The following ZHX2 variants were observed in gnomAD, a reference collection of about 807,000 sequenced individuals.
The protein encoded by ZHX2 is zinc fingers and homeoboxes 2, also known as zinc fingers and homeoboxes protein 2.
ZHX2 carries 6 observed loss-of-function variants against 21.9 expected under a neutral mutation model. That is an observed-to-expected ratio of 0.27 (90% confidence interval 0.15 to 0.54). The LOEUF (loss-of-function observed/expected upper bound fraction) is 0.54. Ranked by LOEUF, ZHX2 falls within the 20% of genes least tolerant of loss-of-function variation. The probability of loss-of-function intolerance (pLI) is 0.95; values close to 1 mark genes in which losing one functional copy is unlikely to be tolerated. For missense variants in ZHX2, 908 were observed against 1,090.7 expected (o/e 0.83, Z 2.36); for synonymous variants, 434 against 437.1 (o/e 0.99, Z 0.09).
chr8:122,873,696 T>C (rs1326542111), intron 2 of ZHX2, among the ~76,000 whole-genome samples: 4 of 152,212 alleles, frequency 2.6e-5, no homozygotes, highest in Admixed American at 1.3e-4. Context: ...TATTATCTTA[T>C]GGTACTAGAG....
chr8:122,968,094 T>C (rs1449247570), intron 3 of ZHX2, among the ~76,000 whole-genome samples: 1 of 152,058 alleles, frequency 6.6e-6, no homozygotes, highest in Non-Finnish European at 1.5e-5. Context: ...GTGGTGGAGC[T>C]GGAATTCAAA....
intron 1 of ZHX2, chr8:122,809,108 G>C (rs1297068537): frequency 2.0e-5 from 3 of 152,280 alleles, no homozygotes; most frequent in African/African-American, 7.2e-5. Flanking sequence ...GGGCCCGGGA[G>C]ACTCAGCCCC....
chr8:122,937,332 G>T (rs919184375), intron 2 of ZHX2, among the ~76,000 whole-genome samples: 2 of 152,184 alleles, frequency 1.3e-5, no homozygotes, highest in African/African-American at 4.8e-5. Context: ...AGTCGATGCT[G>T]GTGCATTTGT....
chr8:122,801,538 C>T (rs913902607), intron 1 of ZHX2, among the ~76,000 whole-genome samples: 1 of 150,400 alleles, frequency 6.6e-6, no homozygotes, highest in African/African-American at 2.5e-5. Context: ...CTTGAGTGCC[C>T]AGCAGTTTGA....
Position 122,875,176 on chromosome 8 carries a change from T to C in ZHX2, c.-220+11637T>C, listed in dbSNP as rs1419737619. On this transcript the variant is annotated intron_variant, in intron 2 of 3. Transcript: ENST00000314393. ...ATATATATATATATATATATATATA[T>C]ATATATATATATATATATCCTTTTA... Among the ~76,000 whole-genome samples, 7 of 54,800 alleles carry C rather than the reference T, an allele frequency of 1.3e-4. 1 individual carries two copies. The highest frequency in any genetic ancestry group is 3.9e-4 in the African/African-American group (7 of 18,018). 36.0% of individuals were successfully genotyped at this position (54,800 alleles called of 152,430 possible).
At chr8:122,919,146 A>G in intron 2 of ZHX2, among the ~76,000 whole-genome samples, 1 of 152,124 alleles carries the variant, frequency 6.6e-6, no homozygotes, top group East Asian at 1.9e-4. Context: ...CCATCAGCAC[A>G]GCACTTGCTA....
intron 1 of ZHX2, among the ~76,000 whole-genome samples, chr8:122,831,699 C>A (rs1818381323): frequency 6.6e-6 from 1 of 152,152 alleles, no homozygotes; most frequent in South Asian, 2.1e-4. Context: ...ATGATGGCAA[C>A]TTTTTGCGGG....
At chr8:122,827,518 T>C (rs1818288016) in intron 1 of ZHX2, among the ~76,000 whole-genome samples, 1 of 152,222 alleles carries the variant, frequency 6.6e-6, no homozygotes, top group African/African-American at 2.4e-5. Context: ...TTGGTACTAA[T>C]AGAGCCCTGT....
intron 2 of ZHX2, among the ~76,000 whole-genome samples, chr8:122,947,968 A>G (rs1265942623): frequency 1.3e-5 from 2 of 152,166 alleles, no homozygotes; most frequent in Non-Finnish European, 2.9e-5. Context: ...GGCATGGTCA[A>G]TAAAAAGAAA....
chr8:122,832,496 A>G (rs1039779668), intron 1 of ZHX2, among the ~76,000 whole-genome samples: 1 of 152,076 alleles, frequency 6.6e-6, no homozygotes, highest in African/African-American at 2.4e-5. Flanking sequence ...GTCGGTATAG[A>G]GGGAGAAAGA....
intron 2 of ZHX2, among the ~76,000 whole-genome samples, chr8:122,911,455 G>C (rs1284363589): frequency 6.6e-6 from 1 of 152,148 alleles, no homozygotes; most frequent in Non-Finnish European, 1.5e-5. Flanking sequence ...TCCACCTGGG[G>C]CCGGGGCAGG....
At chr8:122,958,307 T>A (rs1813358843) in intron 3 of ZHX2, among the ~76,000 whole-genome samples, 1 of 152,230 alleles carries the variant, frequency 6.6e-6, no homozygotes, top group African/African-American at 2.4e-5. Flanking sequence ...AGTCCCTGTG[T>A]CTGAACAATG....
At position 122,815,960 on chromosome 8, in the gene ZHX2, G is replaced by T. The variant is rs185877005; in HGVS notation, c.-283+34014G>T. 2.5e-3 allele frequency among the ~76,000 whole-genome samples: 381 copies of T among 151,624 alleles called. 2 individuals carry two copies. Among genetic ancestry groups the T allele is most frequent in the Non-Finnish European group, 4.4e-3 (302 of 67,880 alleles). On this transcript the variant is annotated intron_variant, in intron 1 of 3. Coordinates refer to ENST00000314393, the MANE Select transcript of ZHX2 (RefSeq NM_014943.5). The stretch of plus-strand genomic sequence containing the variant: ...CCAGGTGTGGTGGCGCACACCTGCA[G>T]TCCCAGCTACTAGGGAGGCTGAGGC...
In ZHX2 at chr8:122,951,421, C is replaced by CAA; in HGVS notation, c.-87_-86dup. ...AAAGCCATTTGAGGGGGAATAAAGC[C>CAA]AAAAGCCTTTCACCTTATTCGTTCC... On this transcript the variant is annotated 5_prime_UTR_variant, in exon 3 of 4. Transcript: ENST00000314393. 1 of 1,215,392 alleles carries CAA rather than the reference C, an allele frequency of 8.2e-7. No homozygotes were observed. Among genetic ancestry groups the CAA allele is most frequent in the African/African-American group, 1.5e-5 (1 of 65,350 alleles). 75.3% of individuals were successfully genotyped at this position (1,215,392 alleles called of 1,614,324 possible). A position where few individuals can be genotyped will look rare whatever the true frequency, so the allele number is the denominator to read the frequency against.
At chr8:122,799,244 C>T (rs1235075491) in intron 1 of ZHX2, among the ~76,000 whole-genome samples, 2 of 152,184 alleles carry the variant, frequency 1.3e-5, no homozygotes, top group Non-Finnish European at 2.9e-5. Flanking sequence ...CAAGCCTCAT[C>T]TCCCCACGCA....
rs1308811774 is a variant in ZHX2, at chr8:122,900,001, A to T, written c.-220+36462A>T. Among the ~76,000 whole-genome samples the T allele has an allele frequency of 2.0e-5, 3 of 152,208 alleles. No individual in the cohort carries two copies. In the East Asian group the frequency reaches 5.8e-4, roughly 29 times the overall value. On this transcript the variant is annotated intron_variant, in intron 2 of 3. Transcript: ENST00000314393. ...GTAAATGGAAAGATGAACTGCTCAC[A>T]TTTATCCTGATTTTCAGCAGAGGCA...
chr8:122,904,006 A>C (rs1416559718), intron 2 of ZHX2, among the ~76,000 whole-genome samples: 1 of 152,198 alleles, frequency 6.6e-6, no homozygotes, highest in Non-Finnish European at 1.5e-5. Flanking sequence ...GGAAGAAGGC[A>C]GACTAACTAG....
At chr8:122,810,770 T>C (rs1817910394) in intron 1 of ZHX2, among the ~76,000 whole-genome samples, 1 of 151,964 alleles carries the variant, frequency 6.6e-6, no homozygotes, top group Non-Finnish European at 1.5e-5. Context: ...TGAAATGGAA[T>C]ATCCACAGAC....
At chr8:122,861,342 A>C (rs1819163062) in intron 1 of ZHX2, among the ~76,000 whole-genome samples, 1 of 152,190 alleles carries the variant, frequency 6.6e-6, no homozygotes, top group Non-Finnish European at 1.5e-5. Flanking sequence ...ACATCATTCC[A>C]CTGTATATCT....
Sources: gnomAD v4.1 joint callset for allele counts (sites outside exome capture counted in the v4.1 genomes callset) on GRCh38, gnomAD v4.1.1 for gene constraint, MANE v1.5 for transcripts, NCBI Gene and HGNC (gene_info 2026-07-23, HGNC 2026-07-21) for gene names.